The following ZNF155 variants were observed in gnomAD, a reference collection of about 807,000 sequenced individuals.
ZNF155 encodes KRAB A domain.
A neutral mutation model predicts 11.9 loss-of-function variants in ZNF155; 15 were observed. The ratio of observed to expected loss-of-function variants is 1.26; its 90% CI spans 0.84 to 1.94. The LOEUF (loss-of-function observed/expected upper bound fraction) is 1.94. Among genes scored for constraint, ZNF155 ranks in the 30% most tolerant of loss-of-function variants. The pLI is 0.00. For synonymous variants in ZNF155, 212 were observed against 219.9 expected (o/e 0.96, Z 0.32); for missense variants, 602 against 639.1 (o/e 0.94, Z 0.63).
rs388812 is a variant in ZNF155 at position 43,996,964 on chromosome 19, A to G, written c.1107A>G (p.Glu369=). Residue 369 remains glutamate (E), a synonymous_variant, in exon 5 of 5, where the codon GAA becomes GAG. Coordinates refer to ENST00000270014, the MANE Select transcript of ZNF155 (RefSeq NM_198089.3). ...AGCATCAGGTGGTCCACACAGGAGA[A>G]AAACCATATAATTGTAAAGAATGTG... The part of the protein sequence containing the change: ...FYKHQVVHTG[E]KPYNCKECGK... The G allele has an allele frequency of 0.98, 1,581,003 of 1,614,148 alleles. 777,522 individuals are homozygous for G. The highest frequency in any genetic ancestry group is 1 in the East Asian group (44,876 of 44,878).
chr19:43,985,711 T>G (rs1198475803), intron 1 of ZNF155, among the ~76,000 whole-genome samples: 1 of 151,932 alleles, frequency 6.6e-6, no homozygotes, highest in Non-Finnish European at 1.5e-5. Flanking sequence ...CCAGCTAATT[T>G]TTGTATTTTT....
In ZNF155 at chr19:43,985,183, C is replaced by T. The variant is rs574063318; in HGVS notation, c.-86+938C>T. On this transcript the variant is annotated intron_variant, in intron 1 of 4. Coordinates refer to ENST00000270014, the MANE Select transcript of ZNF155 (RefSeq NM_198089.3). ...TTCAAGCGATTCTCTGTCCTCAGCT[C>T]CGGAGTAGCTGGGATTACAGGCATG... Among the ~76,000 whole-genome samples, 89 of 152,106 alleles carry T rather than the reference C, an allele frequency of 5.9e-4. 1 individual carries two copies. Among genetic ancestry groups the T allele is most frequent in the Middle Eastern group, 6.8e-3 (2 of 294 alleles).
rs1286053228 is a variant in ZNF155, at chr19:43,996,555, A to G, written c.698A>G (p.Lys233Arg). The G allele has an allele frequency of 6.2e-7, 1 of 1,614,092 alleles. No individual in the cohort carries two copies. The highest frequency in any genetic ancestry group is 1.3e-5 in the African/African-American group (1 of 75,020). ...GTCCACACTGGAGAGAAACCATTCA[A>G]ATGTGAGCAATGTGGGAAAGGTTTC... ...QRVHTGEKPF[K>R]CEQCGKGFSR... Residue 233 changes from lysine to arginine, a missense_variant, in exon 5 of 5, where the codon AAA (lysine) becomes AGA (arginine). Physicochemically the swap from Lys to Arg is conservative, Grantham distance 26 (BLOSUM62 2). Transcript: ENST00000270014.
At chr19:43,991,770 T>C in intron 3 of ZNF155, 72 bp from the exon 4 acceptor site, 1 of 1,605,682 alleles carries the variant, frequency 6.2e-7, no homozygotes, top group Non-Finnish European at 8.5e-7. Context: ...GGAACCTAAA[T>C]AGCCAGTAAA....
chr19:43,984,909 A>C (rs540680251), intron 1 of ZNF155, among the ~76,000 whole-genome samples: 1 of 152,280 alleles, frequency 6.6e-6, no homozygotes, highest in South Asian at 2.1e-4. Flanking sequence ...ACGGCGACGC[A>C]GAGTGTTTGA....
At chr19:43,992,792 A>G (rs1975711056) in intron 4 of ZNF155, among the ~76,000 whole-genome samples, 1 of 152,228 alleles carries the variant, frequency 6.6e-6, no homozygotes, top group Non-Finnish European at 1.5e-5. Context: ...GGCTGACTGT[A>G]TATTGCAGAA....
In ZNF155 at chr19:43,996,892, A is replaced by C. The variant is rs758601778; in HGVS notation, c.1035A>C (p.Arg345Ser). Residue 345 changes from arginine (R) to serine (S), a missense_variant, in exon 5 of 5, where the codon AGA becomes AGC. By Grantham distance (110) the Arg-to-Ser change is moderately radical. Transcript: ENST00000270014. ...CMVHTGEKPY[R>S]CEQCGKGFIG... ...TCCACACAGGAGAGAAACCGTACAG[A>C]TGTGAGCAGTGTGGAAAAGGCTTTA... The C allele has an allele frequency of 4.3e-6, 7 of 1,614,066 alleles. No individual in the cohort carries two copies. In the South Asian group the frequency reaches 6.6e-5, roughly 15 times the overall value.
At chr19:43,991,785 G>C (rs1212163137) in intron 3 of ZNF155, 57 bp from the exon 4 acceptor site, 5 of 1,605,334 alleles carry the variant, frequency 3.1e-6, no homozygotes, top group South Asian at 1.1e-5. Context: ...AGTAAATTTT[G>C]CCTAAATATT....
At chr19:43,996,002 A>G (rs930906730) in intron 4 of ZNF155, 91 bp from the exon 5 acceptor site, 4 of 1,446,758 alleles carry the variant, frequency 2.8e-6, no homozygotes, top group Non-Finnish European at 3.7e-6. Context: ...TGTATTCATT[A>G]AAGTTTAATG....
At chr19:43,995,459 A>G (rs1372225672) in intron 4 of ZNF155, among the ~76,000 whole-genome samples, 1 of 142,954 alleles carries the variant, frequency 7.0e-6, no homozygotes, top group African/African-American at 2.6e-5. Context: ...CCCAGGGCTC[A>G]CTGCAACTTC....
chr19:43,991,380 T>G (rs902243686), intron 2 of ZNF155, among the ~76,000 whole-genome samples, 168 bp from the exon 3 acceptor site: 3 of 152,206 alleles, frequency 2.0e-5, no homozygotes. Flanking sequence ...AAAATCAGTA[T>G]GTGTCATTGT....
chr19:43,993,136 A>T (rs1422532990), intron 4 of ZNF155, among the ~76,000 whole-genome samples: 1 of 152,216 alleles, frequency 6.6e-6, no homozygotes, highest in Non-Finnish European at 1.5e-5. Flanking sequence ...AGAAGGGGGA[A>T]GAATGAGGAT....
chr19:43,993,198 T>C (rs1312386915), intron 4 of ZNF155, among the ~76,000 whole-genome samples: 2 of 152,224 alleles, frequency 1.3e-5, no homozygotes, highest in African/African-American at 4.8e-5. Flanking sequence ...TGGTCCTCTT[T>C]CTTCATAAAT....
chr19:43,986,105 C>G (rs991390720), intron 1 of ZNF155, among the ~76,000 whole-genome samples: 1 of 152,176 alleles, frequency 6.6e-6, no homozygotes, highest in Non-Finnish European at 1.5e-5. Context: ...TCCTGTTTCA[C>G]TTTTTATAAG....
In ZNF155 at chr19:43,991,855, C is replaced by T. The variant is rs1212508575; in HGVS notation, c.156C>T (p.Phe52=). 1 of 1,613,856 alleles carries T rather than the reference C, an allele frequency of 6.2e-7. No homozygotes were observed. Among genetic ancestry groups the T allele is most frequent in the South Asian group, 1.1e-5 (1 of 91,066 alleles). The change falls in exon 4 of 5, where the codon TTC becomes TTT. Residue 52 remains phenylalanine, a synonymous_variant. Coordinates refer to ENST00000270014, the MANE Select transcript of ZNF155 (RefSeq NM_198089.3). ...RNLLSVGHQP[F]HQDTCHFLRE... ...ACCTATTCACAGGGCATCAACCGTTCCACCAAGATACTTGCCACTTCCTAA... is the reference window on the plus strand; with the variant it reads ...ACCTATTCACAGGGCATCAACCGTTTCACCAAGATACTTGCCACTTCCTAA...
At position 43,996,284 on chromosome 19, in the gene ZNF155, A is replaced by G. The variant is rs1392668466; in HGVS notation, c.427A>G (p.Thr143Ala). ...QVEAGLPTIHTGQKPSQGGKC... is the reference protein window; with the variant it reads ...QVEAGLPTIHAGQKPSQGGKC... Reference sequence around the variant, plus strand: ...TGAAGCAGGACTACCCACAATTCATACAGGACAGAAACCTTCCCAGGGTGG... The same window carrying G: ...TGAAGCAGGACTACCCACAATTCATGCAGGACAGAAACCTTCCCAGGGTGG... The change falls in exon 5 of 5, where the codon ACA becomes GCA. Residue 143 changes from threonine to alanine, a missense_variant. Coordinates refer to ENST00000270014, the MANE Select transcript of ZNF155 (RefSeq NM_198089.3). 3.1e-6 allele frequency: 5 copies of G among 1,614,212 alleles called. No individual in the cohort carries two copies. The highest frequency in any genetic ancestry group is 4.2e-6 in the Non-Finnish European group (5 of 1,180,028).
At position 43,997,129 on chromosome 19, in the gene ZNF155, T is replaced by A; in HGVS notation, c.1272T>A (p.Gly424=). 6.2e-7 allele frequency: 1 copy of A among 1,614,022 alleles called. No individual in the cohort carries two copies. Among genetic ancestry groups the A allele is most frequent in the Non-Finnish European group, 8.5e-7 (1 of 1,179,986 alleles). Residue 424 remains glycine (G), a synonymous_variant, in exon 5 of 5, where the codon GGT becomes GGA. Coordinates refer to ENST00000270014, the MANE Select transcript of ZNF155 (RefSeq NM_198089.3). The stretch of plus-strand genomic sequence containing the variant: ...CTTCCCATCAGAGATCCCACAGTGG[T>A]GAAAAGCCATATAAATGTGAGGAGT... ...QLSSHQRSHS[G]EKPYKCEECG...
chr19:43,985,212 C>T (rs1192043374), intron 1 of ZNF155, among the ~76,000 whole-genome samples: 2 of 152,102 alleles, frequency 1.3e-5, no homozygotes, highest in East Asian at 3.9e-4. Context: ...AGGCATGCGT[C>T]ACCATGCCCG....
rs753869678 is a variant in ZNF155 at position 43,996,507 on chromosome 19, C to G, written c.650C>G (p.Ser217Ter). ...DVCGKEFSQS[S>*]HLQTHQRVHT... is the part of the protein sequence containing the mutation. ...TGTGGCAAGGAATTTAGTCAAAGCTCACATCTGCAAACTCATCAGAGAGTC... is the reference window on the plus strand; with the variant it reads ...TGTGGCAAGGAATTTAGTCAAAGCTGACATCTGCAAACTCATCAGAGAGTC... The change falls in exon 5 of 5, where the codon TCA becomes TGA. Residue 217 changes from serine to a stop codon, truncating the protein, a stop_gained. Transcript: ENST00000270014. LOFTEE classifies it low-confidence loss of function (END_TRUNC). 7 of 1,614,206 alleles carry G rather than the reference C, an allele frequency of 4.3e-6. No individual in the cohort carries two copies. The South Asian group carries it at 7.7e-5, about 18-fold the overall frequency.
Sources: allele counts gnomAD v4.1 joint callset (sites outside exome capture counted in the v4.1 genomes callset), GRCh38; gene constraint gnomAD v4.1.1; transcripts MANE v1.5; gene names NCBI Gene and HGNC (gene_info 2026-07-23, HGNC 2026-07-21).